ERBB4: variants seen among roughly 807,000 people sequenced by gnomAD.
ERBB4 encodes the protein receptor tyrosine-protein kinase erbB-4.
Under a neutral mutation model 158.0 loss-of-function variants are expected in ERBB4, and 42 were observed. The observed-to-expected ratio is 0.27, with a 90% CI of 0.21 to 0.34. The LOEUF is 0.34. Ranked by LOEUF, ERBB4 falls within the 10% of genes least tolerant of loss-of-function variation. The pLI, the probability that ERBB4 is intolerant of heterozygous loss-of-function variation, is 1.00. For missense variants in ERBB4, 1,333 were observed against 1,624.1 expected (o/e 0.82, Z 3.08); for synonymous variants, 583 against 558.7 (o/e 1.04, Z -0.61).
At chr2:211,628,438 C>G (rs933376019) in intron 17 of ERBB4, among the ~76,000 whole-genome samples, 6 of 152,054 alleles carry the variant, frequency 3.9e-5, no homozygotes, top group Admixed American at 3.9e-4. Flanking sequence ...ATTGTCCTTG[C>G]GATAGTTTGC....
In ERBB4 at chr2:211,804,985, T is replaced by A. The variant is rs140303587; in HGVS notation, c.422-16826A>T. Among the ~76,000 whole-genome samples, 443 of 151,200 alleles carry A rather than the reference T, an allele frequency of 2.9e-3. 4 individuals carry two copies. Among genetic ancestry groups the A allele is most frequent in the African/African-American group, 0.01 (419 of 41,240 alleles). On this transcript the variant is annotated intron_variant, in intron 3 of 27. Transcript: ENST00000342788. ...CCCAGGCTGGAGTGCAACGGCATGA[T>A]CTTGGCTCACTGCAACCTCCGCCTC...
At chr2:211,695,601 A>C (rs892225837) in intron 12 of ERBB4, among the ~76,000 whole-genome samples, 3 of 152,132 alleles carry the variant, frequency 2.0e-5, no homozygotes, top group Non-Finnish European at 4.4e-5. Context: ...TATGATTTTG[A>C]GATCATTTCT....
At chr2:211,832,809 AAT>A (rs1208759740) in intron 3 of ERBB4, among the ~76,000 whole-genome samples, 1 of 150,168 alleles carries the variant, frequency 6.7e-6, no homozygotes, top group African/African-American at 2.4e-5. Context: ...TTGATATTAA[AAT>A]AGTTTGATGC....
chr2:212,381,050 G>A (rs1243293252), intron 1 of ERBB4, among the ~76,000 whole-genome samples: 8 of 151,030 alleles, frequency 5.3e-5, no homozygotes, highest in East Asian at 1.9e-4. Context: ...TATCTTCACC[G>A]AAAAAAGTCA....
rs574239317 is a variant in ERBB4 at position 212,446,224 on chromosome 2, C to A, written c.82+92225G>T. ...TGTGATGGTTAATACTGAGTGTCAACTTGATTGGATTGAAGGATACAAAGT... is the reference window on the plus strand; with the variant it reads ...TGTGATGGTTAATACTGAGTGTCAAATTGATTGGATTGAAGGATACAAAGT... On this transcript the variant is annotated intron_variant, in intron 1 of 27. Transcript: ENST00000342788. Among the ~76,000 whole-genome samples the A allele has an allele frequency of 1.4e-4, 22 of 151,942 alleles. No homozygotes were observed. In the South Asian group the frequency reaches 4.6e-3, roughly 32 times the overall value.
intron 18 of ERBB4, among the ~76,000 whole-genome samples, chr2:211,620,068 A>G (rs1371909716): frequency 6.6e-6 from 1 of 152,182 alleles, no homozygotes; most frequent in Admixed American, 6.5e-5. Context: ...GCTAAATAAT[A>G]GCATTTCTGG....
chr2:211,775,379 A>G (rs2075847281), intron 4 of ERBB4, among the ~76,000 whole-genome samples: 1 of 152,212 alleles, frequency 6.6e-6, no homozygotes, highest in Non-Finnish European at 1.5e-5. Context: ...AGTGCTTGAT[A>G]TAGCTCTTCC....
intron 1 of ERBB4, among the ~76,000 whole-genome samples, chr2:212,207,462 A>G (rs1460695106): frequency 6.6e-6 from 1 of 152,220 alleles, no homozygotes; most frequent in East Asian, 1.9e-4. Context: ...GTCTGTCGCC[A>G]TGTGCTACAC....
chr2:211,562,769 C>CTTTTTTTTTTTTTTT (rs367801279), intron 19 of ERBB4, among the ~76,000 whole-genome samples: 19 of 125,708 alleles, frequency 1.5e-4, no homozygotes, highest in African/African-American at 6.4e-4. Context: ...ACTACTCCAA[C>CTTTTTTTTTTTTTTT]TTTTTTTTTT....
chr2:211,640,760 T>C (rs1261842449), intron 16 of ERBB4, among the ~76,000 whole-genome samples: 5 of 152,094 alleles, frequency 3.3e-5, no homozygotes, highest in Non-Finnish European at 5.9e-5. Context: ...AAAGTCCTCA[T>C]GAGTAATAGT....
intron 1 of ERBB4, among the ~76,000 whole-genome samples, chr2:212,164,570 A>C (rs2081293445): frequency 6.6e-6 from 1 of 152,060 alleles, no homozygotes; most frequent in South Asian, 2.1e-4. Flanking sequence ...AAAAGATGTG[A>C]CTAAATATGA....
intron 1 of ERBB4, among the ~76,000 whole-genome samples, chr2:212,397,060 T>C (rs984704684): frequency 9.8e-5 from 15 of 152,348 alleles, no homozygotes; most frequent in African/African-American, 3.6e-4. Context: ...ATTTTAGATA[T>C]TTTAAATAAT....
chr2:212,477,970 T>C (rs1372067987), intron 1 of ERBB4, among the ~76,000 whole-genome samples: 1 of 152,118 alleles, frequency 6.6e-6, no homozygotes, highest in Non-Finnish European at 1.5e-5. Flanking sequence ...ATCCTAGAAA[T>C]AATCTTATTG....
At chr2:211,487,834 G>T (rs1486524777) in intron 20 of ERBB4, among the ~76,000 whole-genome samples, 4 of 152,048 alleles carry the variant, frequency 2.6e-5, no homozygotes, top group African/African-American at 9.7e-5. Context: ...AATAACCACT[G>T]GCCAGAGTAA....
chr2:211,642,736 T>C (rs2070643175), intron 16 of ERBB4, among the ~76,000 whole-genome samples: 1 of 152,102 alleles, frequency 6.6e-6, no homozygotes, highest in Non-Finnish European at 1.5e-5. Flanking sequence ...TGGATGAAAG[T>C]TTACTTCCAT....
chr2:211,928,425 T>G (rs1314726548), intron 3 of ERBB4, among the ~76,000 whole-genome samples: 2 of 152,154 alleles, frequency 1.3e-5, no homozygotes, highest in Non-Finnish European at 2.9e-5. Flanking sequence ...ACCTGTTTGT[T>G]CACTGTTATC....
chr2:212,476,149 T>A (rs1689378402), intron 1 of ERBB4, among the ~76,000 whole-genome samples: 1 of 133,980 alleles, frequency 7.5e-6, no homozygotes, highest in South Asian at 2.3e-4. Context: ...TCTCTCTCTC[T>A]CTGTCACACA....
chr2:212,210,024 T>C (rs538966019), intron 1 of ERBB4, among the ~76,000 whole-genome samples: 2 of 152,144 alleles, frequency 1.3e-5, no homozygotes, highest in South Asian at 4.1e-4. Flanking sequence ...GATAACTTGC[T>C]CAGAAAGGTC....
At chr2:212,257,829 A>G (rs2084796431) in intron 1 of ERBB4, among the ~76,000 whole-genome samples, 1 of 152,116 alleles carries the variant, frequency 6.6e-6, no homozygotes, top group Non-Finnish European at 1.5e-5. Context: ...AACCTCATTA[A>G]ATGCATGAAT....
Sources: gnomAD v4.1 joint callset for allele counts (sites outside exome capture counted in the v4.1 genomes callset) on GRCh38, gnomAD v4.1.1 for gene constraint, MANE v1.5 for transcripts, NCBI Gene and HGNC (gene_info 2026-07-23, HGNC 2026-07-21) for gene names.